Variants in COL4A3 observed in about 807,000 individuals in gnomAD.
COL4A3 encodes the protein collagen type IV alpha 3 chain.
COL4A3 carries 135 observed loss-of-function variants against 217.4 expected under a neutral mutation model. That is an observed-to-expected ratio of 0.62 (90% confidence interval 0.54 to 0.72). COL4A3 has a LOEUF of 0.72. Among genes scored for constraint, COL4A3 ranks in the 30% least tolerant of loss-of-function variants. The pLI is 0.00. For synonymous variants in COL4A3, 690 were observed against 736.3 expected, an observed-to-expected ratio of 0.94 and a Z score of 1.02; for missense variants, 1,868 against 2,119.9, an observed-to-expected ratio of 0.88 and a Z score of 2.33.
rs758795519 is a variant in COL4A3 at position 227,293,311 on chromosome 2, C to A, written c.3331C>A (p.Leu1111Ile). 1.9e-6 allele frequency: 3 copies of A among 1,613,736 alleles called. No homozygotes were observed. In the African/African-American group the frequency reaches 4.0e-5, roughly 22 times the overall value. Residue 1111 changes from leucine (L) to isoleucine (I), a missense_variant, in exon 38 of 52, where the codon CTC (leucine) becomes ATC (isoleucine). By Grantham distance (5) the Leu-to-Ile change is conservative. Transcript: ENST00000396578. ...CCCTGGAAGTCCTGGAAGTCCTGGCCTCCCAGGTAAGGCTTGAGTTTACAA... is the reference window on the plus strand; with the variant it reads ...CCCTGGAAGTCCTGGAAGTCCTGGCATCCCAGGTAAGGCTTGAGTTTACAA... Reference protein sequence around the residue: ...GAPGSPGSPGLPGKPGPHGDL... With the variant: ...GAPGSPGSPGIPGKPGPHGDL...
At chr2:227,302,694 A>AAAAAAAAAAAAAAAAAAAAAAAAAAAAC in intron 43 of COL4A3, among the ~76,000 whole-genome samples, 1 of 113,642 alleles carries the variant, frequency 8.8e-6, no homozygotes, top group Non-Finnish European at 2.1e-5. Context: ...AAAAAAAAAA[A>AAAAAAAAAAAAAAAAAAAAAAAAAAAAC]AAAAAAAAAA....
At chr2:227,186,451 G>A (rs555869220) in intron 1 of COL4A3, among the ~76,000 whole-genome samples, 11 of 152,254 alleles carry the variant, frequency 7.2e-5, no homozygotes, top group Admixed American at 5.9e-4. Context: ...CTGCTCTCCC[G>A]AGGCCAGGCT....
chr2:227,311,504 C>T (rs1327781977), intron 51 of COL4A3, among the ~76,000 whole-genome samples: 2 of 151,962 alleles, frequency 1.3e-5, no homozygotes, highest in East Asian at 1.9e-4. Flanking sequence ...CTCAGCCTCC[C>T]GAGTAGCTGG....
chr2:227,294,740 A>C (rs951319313), intron 39 of COL4A3, among the ~76,000 whole-genome samples, 170 bp downstream of exon 39: 2 of 152,166 alleles, frequency 1.3e-5, no homozygotes, highest in African/African-American at 4.8e-5. Context: ...ATTTAATTCA[A>C]ATATTTGGCA....
At chr2:227,203,978 A>G (rs1011221596) in intron 1 of COL4A3, among the ~76,000 whole-genome samples, 1 of 152,130 alleles carries the variant, frequency 6.6e-6, no homozygotes, top group East Asian at 1.9e-4. Context: ...CTTAATAAAT[A>G]TTCATTGACT....
intron 1 of COL4A3, among the ~76,000 whole-genome samples, chr2:227,175,103 T>C (rs74329312): frequency 0.011 from 1,601 of 152,276 alleles, 56 homozygotes; most frequent in East Asian, 0.073. Context: ...CACTGAGGGA[T>C]GTGGTCCAGG....
intron 1 of COL4A3, among the ~76,000 whole-genome samples, chr2:227,179,700 A>G (rs1312734525): frequency 6.6e-6 from 1 of 152,236 alleles, no homozygotes; most frequent in Admixed American, 6.5e-5. Context: ...ATATCTTACT[A>G]TGTGAGGGGT....
chr2:227,276,561 T>C, intron 27 of COL4A3, 84 bp downstream of exon 27: 1 of 1,052,086 alleles, frequency 9.5e-7, no homozygotes, highest in Non-Finnish European at 1.5e-6. Flanking sequence ...GTCCCCATTA[T>C]AAGGAAAAAA....
chr2:227,306,484 G>A (rs971821303), intron 47 of COL4A3, among the ~76,000 whole-genome samples: 15 of 152,128 alleles, frequency 9.9e-5, no homozygotes, highest in Admixed American at 2.0e-4. Flanking sequence ...AATGAGGGCA[G>A]GGGTTAGGAA....
Position 227,282,597 on chromosome 2 carries a change from C to T in COL4A3, c.2656+65C>T, listed in dbSNP as rs2072055252. The stretch of plus-strand genomic sequence containing the variant: ...CTTCTTCTTAAGGTGGCTCTGTCAA[C>T]TGTACATAGGCATACGCTTTTTACT... On this transcript the variant is annotated intron_variant, in intron 32 of 51. Transcript: ENST00000396578. The surrounding 1 kb of genome is among the most constrained non-coding windows in gnomAD (Gnocchi z 4.4). 1 of 1,406,638 alleles carries T rather than the reference C, an allele frequency of 7.1e-7. No individual in the cohort carries two copies. The highest frequency in any genetic ancestry group is 1.0e-6 in the Non-Finnish European group (1 of 993,204). The allele number at this position is 1,406,638 out of a possible 1,614,324, so 87.1% of individuals were successfully genotyped here. A position where few individuals can be genotyped will look rare whatever the true frequency, so the allele number is the denominator to read the frequency against.
Position 227,270,000 on chromosome 2 carries a change from A to G in COL4A3, c.1575+20A>G. 6.2e-7 allele frequency: 1 copy of G among 1,603,878 alleles called. No homozygotes were observed. Among genetic ancestry groups the G allele is most frequent in the Non-Finnish European group, 8.5e-7 (1 of 1,171,462 alleles). On this transcript the variant is annotated intron_variant, in intron 24 of 51. Transcript: ENST00000396578. ...TTTCCAGTAAGATTTCATGTTTTTA[A>G]ATCTTTAGCTTCAATTTGACAAATT... is the stretch of plus-strand genomic sequence containing the variant.
intron 1 of COL4A3, among the ~76,000 whole-genome samples, chr2:227,234,253 G>A (rs1280864996): frequency 2.0e-5 from 3 of 152,216 alleles, no homozygotes; most frequent in African/African-American, 7.2e-5. Context: ...GGTGAACTTA[G>A]ATGGGAGGAG....
intron 1 of COL4A3, among the ~76,000 whole-genome samples, chr2:227,182,943 G>T (rs939025595): frequency 4.6e-5 from 7 of 152,278 alleles, no homozygotes; most frequent in African/African-American, 1.7e-4. Flanking sequence ...CTAACATACT[G>T]TAAATGATTT....
At chr2:227,183,228 C>T (rs572834182) in intron 1 of COL4A3, among the ~76,000 whole-genome samples, 115 of 152,254 alleles carry the variant, frequency 7.6e-4, no homozygotes, top group Non-Finnish European at 1.3e-3. Context: ...AAAATGATTA[C>T]GTTCTTCATG....
intron 1 of COL4A3, among the ~76,000 whole-genome samples, chr2:227,222,843 A>G (rs2067886060): frequency 6.6e-6 from 1 of 152,194 alleles, no homozygotes; most frequent in Non-Finnish European, 1.5e-5. Context: ...ATGGGGGCCA[A>G]TGGCCTCTCT....
chr2:227,205,951 G>T (rs2125771212), intron 1 of COL4A3, among the ~76,000 whole-genome samples: 1 of 152,278 alleles, frequency 6.6e-6, no homozygotes, highest in South Asian at 2.1e-4. Context: ...TTAGGGCAAT[G>T]GTTCTCACCC....
Position 227,270,800 on chromosome 2 carries a change from C to T in COL4A3, c.1606C>T (p.Leu536Phe), listed in dbSNP as rs1310273340. ...GFPGAQGDPG[L>F]KGEKGETLQP... ...CCCAGGTGCCCAGGGTGACCCAGGA[C>T]TTAAAGGAGAAAAAGGTGAAACACT... The change falls in exon 25 of 52, where the codon CTT becomes TTT. Residue 536 changes from leucine (L) to phenylalanine (F), a missense_variant. Physicochemically the swap from Leu to Phe is conservative, Grantham distance 22. Transcript: ENST00000396578. 1 of 1,613,954 alleles carries T rather than the reference C, an allele frequency of 6.2e-7. No individual in the cohort carries two copies.
chr2:227,188,011 T>C (rs1178551059), intron 1 of COL4A3, among the ~76,000 whole-genome samples: 2 of 152,196 alleles, frequency 1.3e-5, no homozygotes, highest in Non-Finnish European at 2.9e-5. Flanking sequence ...ATACAGTTTA[T>C]AACAAACAAA....
At position 227,276,379 on chromosome 2, in the gene COL4A3, C is replaced by T. The variant is rs373375848; in HGVS notation, c.1928-6C>T. ...CCCCAATCTTATGACCACAAATTTC[C>T]TTAAGGCCCTAGGGGAGAGCTCAGT... is the stretch of plus-strand genomic sequence containing the variant. On this transcript the variant is annotated splice_region_variant and splice_polypyrimidine_tract_variant and intron_variant, in intron 26 of 51. Transcript: ENST00000396578. 1 of 1,612,050 alleles carries T rather than the reference C, an allele frequency of 6.2e-7. No individual in the cohort carries two copies. Among genetic ancestry groups the T allele is most frequent in the African/African-American group, 1.3e-5 (1 of 74,882 alleles).
Sources: gnomAD v4.1 joint callset for allele counts (sites outside exome capture counted in the v4.1 genomes callset) on GRCh38, gnomAD v4.1.1 for gene constraint, Gnocchi (gnomAD v3.1) non-coding constraint, MANE v1.5 for transcripts, NCBI Gene and HGNC (gene_info 2026-07-23, HGNC 2026-07-21) for gene names.